Variants in MIPEP observed in about 807,000 individuals in gnomAD.
The protein encoded by MIPEP is mitochondrial intermediate peptidase.
Under a neutral mutation model 90.3 loss-of-function variants are expected in MIPEP, and 79 were observed. That is an observed-to-expected ratio of 0.87 (90% CI 0.73 to 1.05). The LOEUF is 1.05. MIPEP is among the 50% of genes least tolerant of loss of function. The pLI is 0.00. For synonymous variants in MIPEP, 334 were observed against 315.8 expected, an observed-to-expected ratio of 1.06 and a Z score of -0.61; for missense variants, 940 against 905.6, an observed-to-expected ratio of 1.04 and a Z score of -0.49.
intron 11 of MIPEP, among the ~76,000 whole-genome samples, chr13:23,840,575 A>T (rs1287134122): frequency 6.6e-6 from 1 of 152,172 alleles, no homozygotes; most frequent in Non-Finnish European, 1.5e-5. Flanking sequence ...TAGTGAAGTA[A>T]ATCAATGCAG....
chr13:23,879,333 T>A lies in MIPEP; in HGVS notation c.474A>T (p.Leu158Phe). The change falls in exon 4 of 19, where the codon TTA becomes TTT. Residue 158 changes from leucine to phenylalanine, a missense_variant. Transcript: ENST00000382172. ...CTAGTAATTTTTGCAAACTTTGATA[T>A]AAATCCACATTTGTGTTCAACCTAG... The part of the protein sequence containing the change: ...MVEKLNTNVD[L>F]YQSLQKLLAD... 1 of 1,583,822 alleles carries A rather than the reference T, an allele frequency of 6.3e-7. No individual in the cohort carries two copies. Among genetic ancestry groups the A allele is most frequent in the Non-Finnish European group, 8.7e-7 (1 of 1,153,468 alleles).
At chr13:23,768,639 G>GT (rs1952617213) in intron 16 of MIPEP, among the ~76,000 whole-genome samples, 1 of 152,284 alleles carries the variant, frequency 6.6e-6, no homozygotes, top group South Asian at 2.1e-4. Flanking sequence ...GGAGGCTGAG[G>GT]TAAGAAGGAT....
chr13:23,766,991 T>C (rs1952596952), intron 16 of MIPEP, among the ~76,000 whole-genome samples: 1 of 152,196 alleles, frequency 6.6e-6, no homozygotes, highest in South Asian at 2.1e-4. Flanking sequence ...GGTGACCATG[T>C]TGGGAAAGCC....
Position 23,802,982 on chromosome 13 carries a change from T to C in MIPEP, c.1848+2968A>G, listed in dbSNP as rs116885305. On this transcript the variant is annotated intron_variant, in intron 16 of 18. Transcript: ENST00000382172. Reference sequence around the variant, plus strand: ...AATGTATTTTTGACTTATGATAGTTTCAACTTACAATGGGTTATTGGGACT... The same window carrying C: ...AATGTATTTTTGACTTATGATAGTTCCAACTTACAATGGGTTATTGGGACT... 2.6e-3 allele frequency among the ~76,000 whole-genome samples: 394 copies of C among 152,304 alleles called. 4 individuals are homozygous for C. The East Asian group carries it at 0.043, about 17-fold the overall frequency.
rs1302427214 is a variant in MIPEP at position 23,801,885 on chromosome 13, C to A, written c.1848+4065G>T. Among the ~76,000 whole-genome samples the A allele has an allele frequency of 2.0e-5, 3 of 152,174 alleles. No homozygotes were observed. In the East Asian group the frequency reaches 5.8e-4, roughly 29 times the overall value. ...TCACCTTTTTTTTAACTACTTACAACAAGTGCTGTTATAAACCCTCCTATT... is the reference window on the plus strand; with the variant it reads ...TCACCTTTTTTTTAACTACTTACAAAAAGTGCTGTTATAAACCCTCCTATT... On this transcript the variant is annotated intron_variant, in intron 16 of 18. Coordinates refer to ENST00000382172, the MANE Select transcript of MIPEP (RefSeq NM_005932.4).
intron 14 of MIPEP, among the ~76,000 whole-genome samples, chr13:23,824,356 G>C (rs1245698351): frequency 6.6e-6 from 1 of 152,160 alleles, no homozygotes; most frequent in East Asian, 1.9e-4. Flanking sequence ...GTGGTGAGAA[G>C]CTGCATATAT....
chr13:23,871,864 G>C (rs1297000402), intron 5 of MIPEP, among the ~76,000 whole-genome samples: 2 of 151,868 alleles, frequency 1.3e-5, no homozygotes, highest in African/African-American at 2.4e-5. Context: ...AGATGAACAA[G>C]ATTTTGAAAT....
rs781461131 is a variant in MIPEP at position 23,774,404 on chromosome 13, C to T, written c.1849-14187G>A. On this transcript the variant is annotated intron_variant, in intron 16 of 18. Transcript: ENST00000382172. ...GGCTATTCTGGGTCTCCCACATTTC[C>T]GTGAGAAATTTTATTAGATTTGTCA... Among the ~76,000 whole-genome samples, 8 of 152,100 alleles carry T rather than the reference C, an allele frequency of 5.3e-5. No homozygotes were observed. The South Asian group carries it at 1.5e-3, about 28-fold the overall frequency.
At chr13:23,846,061 C>T (rs759793241) in intron 10 of MIPEP, among the ~76,000 whole-genome samples, 4 of 151,768 alleles carry the variant, frequency 2.6e-5, no homozygotes, top group Non-Finnish European at 4.4e-5. Flanking sequence ...TAGATACGGG[C>T]CTCTATTGGT....
At chr13:23,888,574 T>C (rs1006337301) in intron 1 of MIPEP, 3 of 385,512 alleles carry the variant, frequency 7.8e-6, no homozygotes, top group Non-Finnish European at 1.1e-5. Flanking sequence ...CTATGGGAAG[T>C]GAGACTCGTC....
chr13:23,760,564 C>A (rs756943169), intron 16 of MIPEP: 1 of 546,318 alleles, frequency 1.8e-6, no homozygotes, highest in South Asian at 1.4e-5. Flanking sequence ...AAGGTGGATG[C>A]CAGGGTGTGG....
chr13:23,784,891 T>C (rs56373889), intron 16 of MIPEP, among the ~76,000 whole-genome samples: 45,367 of 152,014 alleles, frequency 0.3, 7,144 homozygotes, highest in South Asian at 0.48. Context: ...TGAAAAAATG[T>C]TCATCATCAC....
intron 3 of MIPEP, among the ~76,000 whole-genome samples, chr13:23,880,778 G>A (rs1385063904): frequency 2.0e-5 from 3 of 152,342 alleles, no homozygotes; most frequent in South Asian, 2.1e-4. Context: ...AAATGTTGGC[G>A]ACCTGGGGAA....
intron 17 of MIPEP, among the ~76,000 whole-genome samples, chr13:23,758,799 T>C (rs1952510981): frequency 6.6e-6 from 1 of 152,168 alleles, no homozygotes; most frequent in African/African-American, 2.4e-5. Flanking sequence ...TCAAATTGTA[T>C]GACAGACTGA....
chr13:23,873,089 C>T (rs17079485), intron 5 of MIPEP, among the ~76,000 whole-genome samples: 20,490 of 152,166 alleles, frequency 0.13, 1,483 homozygotes, highest in African/African-American at 0.17. Context: ...AAAATACGTT[C>T]GGATGAATAC....
At chr13:23,845,927 T>TA (rs1869519492) in intron 10 of MIPEP, among the ~76,000 whole-genome samples, 1 of 151,924 alleles carries the variant, frequency 6.6e-6, no homozygotes, top group Non-Finnish European at 1.5e-5. Flanking sequence ...TTTTAATTTT[T>TA]TTTTTTTTTG....
intron 14 of MIPEP, among the ~76,000 whole-genome samples, chr13:23,815,733 A>C (rs187511340): frequency 4.2e-4 from 64 of 152,314 alleles, no homozygotes; most frequent in Admixed American, 2.7e-3. Flanking sequence ...TAAGGTTTAC[A>C]AAAAAACCCC....
intron 7 of MIPEP, 75 bp from the exon 8 acceptor site, chr13:23,864,264 G>A (rs1437790090): frequency 1.9e-6 from 2 of 1,037,644 alleles, no homozygotes; most frequent in Non-Finnish European, 2.8e-6. Context: ...ATTATTATGT[G>A]ATGATCATAA....
intron 16 of MIPEP, among the ~76,000 whole-genome samples, chr13:23,803,018 A>T (rs1011362): frequency 1.3e-5 from 2 of 151,928 alleles, no homozygotes; most frequent in Admixed American, 1.3e-4. Flanking sequence ...TGACCGCATC[A>T]TAAGTTGAGA....
Sources: gnomAD v4.1 joint callset for allele counts (sites outside exome capture counted in the v4.1 genomes callset) on GRCh38, gnomAD v4.1.1 for gene constraint, MANE v1.5 for transcripts, NCBI Gene and HGNC (gene_info 2026-07-23, HGNC 2026-07-21) for gene names.